The following ATG13 variants were observed in gnomAD, a reference collection of about 807,000 sequenced individuals.
The protein encoded by ATG13 is autophagy related 13.
A neutral mutation model predicts 65.5 loss-of-function variants in ATG13; 23 were observed. The ratio of observed to expected loss-of-function variants is 0.35; its 90% CI spans 0.25 to 0.50. ATG13 has a LOEUF of 0.50. ATG13 is among the 20% of genes least tolerant of loss of function. ATG13 has a pLI of 0.98. For synonymous variants in ATG13, 252 were observed against 245.2 expected, an observed-to-expected ratio of 1.03 and a Z score of -0.26; for missense variants, 566 against 677.0, an observed-to-expected ratio of 0.84 and a Z score of 1.82.
intron 1 of ATG13, among the ~76,000 whole-genome samples, chr11:46,619,372 C>CA (rs2046536423): frequency 2.8e-5 from 1 of 35,328 alleles, no homozygotes; most frequent in South Asian, 7.7e-4. Flanking sequence ...AGATTTCTTG[C>CA]TTTTTTTTTT....
intron 1 of ATG13, among the ~76,000 whole-genome samples, chr11:46,623,342 T>G (rs1303382230): frequency 6.6e-6 from 1 of 152,202 alleles, no homozygotes; most frequent in Non-Finnish European, 1.5e-5. Flanking sequence ...GAAAGAGACC[T>G]AATTTTAGAA....
In ATG13 at chr11:46,669,396, T is replaced by C. The variant is rs1009029633; in HGVS notation, c.1447-8T>C. ...GCAAGCTAAACTGACTCTGTCTTGT[T>C]TTTGAAGAAACCAGCTTTTTCTAAA... On this transcript the variant is annotated splice_region_variant and splice_polypyrimidine_tract_variant and intron_variant, in intron 17 of 18. Coordinates refer to ENST00000683050, the MANE Select transcript of ATG13 (RefSeq NM_001346311.2). 1 of 1,613,894 alleles carries C rather than the reference T, an allele frequency of 6.2e-7. No homozygotes were observed. Among genetic ancestry groups the C allele is most frequent in the African/African-American group, 1.3e-5 (1 of 75,056 alleles).
At position 46,657,587 on chromosome 11, in the gene ATG13, T is replaced by C; in HGVS notation, c.660T>C (p.Tyr220=). ...IIIDHFVDRP[Y]PSSSPMHPCN... ...TTGATCACTTTGTGGACCGTCCCTA[T>C]CCCAGCTCCTCTCCCATGCACCCCT... The change falls in exon 10 of 19, where the codon TAT becomes TAC. Residue 220 remains tyrosine, a synonymous_variant. Transcript: ENST00000683050. 2.5e-6 allele frequency: 4 copies of C among 1,611,796 alleles called. No individual in the cohort carries two copies. Among genetic ancestry groups the C allele is most frequent in the Non-Finnish European group, 1.7e-6 (2 of 1,178,954 alleles).
At chr11:46,668,336 T>C (rs2062858338) in intron 15 of ATG13, among the ~76,000 whole-genome samples, 163 bp from the exon 16 acceptor site, 2 of 151,990 alleles carry the variant, frequency 1.3e-5, no homozygotes, top group South Asian at 2.1e-4. Context: ...GACAGGGAGG[T>C]GAGCGAGCTT....
chr11:46,657,666 G>T, intron 10 of ATG13, 44 bp downstream of exon 10: 4 of 1,486,810 alleles, frequency 2.7e-6, no homozygotes, highest in Non-Finnish European at 3.7e-6. Flanking sequence ...CAGCTGGGCA[G>T]AAGCATCCAT....
At chr11:46,669,761 A>C (rs2063272636) in intron 18 of ATG13, among the ~76,000 whole-genome samples, 1 of 152,094 alleles carries the variant, frequency 6.6e-6, no homozygotes, top group Non-Finnish European at 1.5e-5. Context: ...CATTACTTAC[A>C]TGCTCCTGTT....
intron 14 of ATG13, 82 bp downstream of exon 14, chr11:46,665,601 GT>G: frequency 2.0e-6 from 3 of 1,521,992 alleles, no homozygotes; most frequent in African/African-American, 1.4e-5. Flanking sequence ...TTTAGAATTA[GT>G]AAAGAGTAAC....
Position 46,673,230 on chromosome 11 carries a change from T to A in ATG13, c.*898T>A, listed in dbSNP as rs1328782009. On this transcript the variant is annotated 3_prime_UTR_variant, in exon 19 of 19. Transcript: ENST00000683050. ...GAGGGCTCTTCCTGGGACGGAGACC[T>A]CCTCCTCCGGAGGTTATTGAGAATC... 1 of 154,348 alleles carries A rather than the reference T, an allele frequency of 6.5e-6. No individual in the cohort carries two copies. The highest frequency in any genetic ancestry group is 2.4e-5 in the African/African-American group (1 of 41,466). The allele number at this position is 154,348 out of a possible 1,614,324, so 9.6% of individuals were successfully genotyped here.
At chr11:46,646,336 A>G (rs1252655019) in intron 5 of ATG13, among the ~76,000 whole-genome samples, 1 of 152,056 alleles carries the variant, frequency 6.6e-6, no homozygotes, top group Admixed American at 6.5e-5. Flanking sequence ...TTTAGTAGAG[A>G]CAAGGTTTCG....
chr11:46,668,353 C>T (rs755406989), intron 15 of ATG13, 146 bp from the exon 16 acceptor site: 7 of 748,340 alleles, frequency 9.4e-6, no homozygotes, highest in Non-Finnish European at 4.5e-6. Flanking sequence ...GCTTGGAGAG[C>T]CTCTAACAAG....
At chr11:46,620,386 C>T (rs1019146792) in intron 1 of ATG13, among the ~76,000 whole-genome samples, 21 of 151,728 alleles carry the variant, frequency 1.4e-4, no homozygotes, top group African/African-American at 7.3e-5. Context: ...TGAGCCACCG[C>T]GCCAGGCCTG....
intron 2 of ATG13, among the ~76,000 whole-genome samples, chr11:46,642,636 A>G (rs1290905268): frequency 6.6e-6 from 1 of 152,120 alleles, no homozygotes; most frequent in Non-Finnish European, 1.5e-5. Context: ...TCACCCAATC[A>G]TGCCTATGCT....
chr11:46,626,339 C>T (rs1044795443), intron 1 of ATG13, among the ~76,000 whole-genome samples: 1 of 152,158 alleles, frequency 6.6e-6, no homozygotes, highest in Admixed American at 6.5e-5. Flanking sequence ...CAGCCTCTAC[C>T]TCCTGGGTTC....
chr11:46,649,032 C>CTT, intron 5 of ATG13, 105 bp from the exon 6 acceptor site: 31 of 821,200 alleles, frequency 3.8e-5, no homozygotes, highest in South Asian at 4.6e-5. Flanking sequence ...GATATCTATT[C>CTT]TTTTTTTTTT....
intron 11 of ATG13, among the ~76,000 whole-genome samples, chr11:46,662,225 CTTTTTA>C (rs924801801): frequency 4.6e-5 from 7 of 152,040 alleles, no homozygotes; most frequent in East Asian, 1.9e-4. Flanking sequence ...TAATATTTTT[CTTTTTA>C]TTTTTATAAG....
At chr11:46,647,720 C>T (rs943129499) in intron 5 of ATG13, among the ~76,000 whole-genome samples, 1 of 151,378 alleles carries the variant, frequency 6.6e-6, no homozygotes, top group Non-Finnish European at 1.5e-5. Flanking sequence ...GTATATGCTG[C>T]ACCACCACAC....
chr11:46,646,941 G>C (rs1014679018), intron 5 of ATG13, among the ~76,000 whole-genome samples: 1 of 151,758 alleles, frequency 6.6e-6, no homozygotes, highest in Admixed American at 6.6e-5. Flanking sequence ...TGTATTTTTT[G>C]TAGAGATGGG....
At chr11:46,636,949 G>A (rs1265407819) in intron 2 of ATG13, among the ~76,000 whole-genome samples, 6 of 151,920 alleles carry the variant, frequency 3.9e-5, no homozygotes, top group East Asian at 3.9e-4. Context: ...GGATGGTCTC[G>A]ATCTCTTGAC....
chr11:46,646,076 GC>G, intron 5 of ATG13, 87 bp downstream of exon 5: 1 of 1,514,334 alleles, frequency 6.6e-7, no homozygotes. Flanking sequence ...TCTTATTCCT[GC>G]CCCTTTCCTC....
Sources: allele counts gnomAD v4.1 joint callset (sites outside exome capture counted in the v4.1 genomes callset), GRCh38; gene constraint gnomAD v4.1.1; transcripts MANE v1.5; gene names NCBI Gene and HGNC (gene_info 2026-07-23, HGNC 2026-07-21).